Variants in COL5A1 observed in about 807,000 individuals in gnomAD.
The protein encoded by COL5A1 is collagen alpha-1(V) chain.
In COL5A1, 16 loss-of-function variants were observed where a neutral mutation model predicts 263.7. That is an observed-to-expected ratio of 0.06 (90% CI 0.04 to 0.09). COL5A1 has a LOEUF of 0.09. COL5A1 is among the 10% of genes least tolerant of loss of function. The pLI, the probability that COL5A1 is intolerant of heterozygous loss-of-function variation, is 1.00. For missense variants in COL5A1, 2,036 were observed against 2,540.5 expected (o/e 0.80, Z 4.27); for synonymous variants, 1,012 against 1,004.5 (o/e 1.01, Z -0.14).
At chr9:134,723,764 G>A (rs1165877255) in intron 4 of COL5A1, among the ~76,000 whole-genome samples, 1 of 152,200 alleles carries the variant, frequency 6.6e-6, no homozygotes, top group Admixed American at 6.5e-5. Context: ...GCCGAGAAAG[G>A]TGGGTCCGTC....
At chr9:134,819,197 T>G (rs1588588049) in intron 57 of COL5A1, 144 bp downstream of exon 57, 1 of 906,078 alleles carries the variant, frequency 1.1e-6, no homozygotes, top group Non-Finnish European at 1.8e-6. Flanking sequence ...ACCTGAGGGG[T>G]GACAAAGGAA....
Position 134,738,737 on chromosome 9 carries a change from T to C in COL5A1, c.1432-9T>C, listed in dbSNP as rs1835194371. On this transcript the variant is annotated splice_polypyrimidine_tract_variant and intron_variant, in intron 10 of 65. Transcript: ENST00000371817. ...CTTCTAACTGCCCCAACTTTATTTT[T>C]AATTCTAGGGTCTTCCCGGACCTCC... 14 of 1,611,816 alleles carry C rather than the reference T, an allele frequency of 8.7e-6. No individual in the cohort carries two copies. In the East Asian group the frequency reaches 3.1e-4, roughly 36 times the overall value.
rs373889979 is a variant in COL5A1, at chr9:134,707,080, G to A, written c.654+5747G>A. 8.3e-4 allele frequency among the ~76,000 whole-genome samples: 126 copies of A among 152,326 alleles called. No homozygotes were observed. The Middle Eastern group carries it at 0.024, about 29-fold the overall frequency. ...GAGGCTGGGAGGCGGGACTAAGAGGGGGCCTGGGGTGCCTCTGCCTTGAGG... is the reference window on the plus strand; with the variant it reads ...GAGGCTGGGAGGCGGGACTAAGAGGAGGCCTGGGGTGCCTCTGCCTTGAGG... On this transcript the variant is annotated intron_variant, in intron 4 of 65. Coordinates refer to ENST00000371817, the MANE Select transcript of COL5A1 (RefSeq NM_000093.5).
rs1257604941 is a variant in COL5A1, at chr9:134,758,068, T to A, written c.1882-175T>A. Among the ~76,000 whole-genome samples the A allele has an allele frequency of 6.6e-6, 1 of 152,034 alleles. No individual in the cohort carries two copies. The highest frequency in any genetic ancestry group is 1.5e-5 in the Non-Finnish European group (1 of 68,006). ...ATGTTTGCAGGGGAAGAGGCTGAGA[T>A]TGTAGATGCAAAGTGGGGGCCTATG... On this transcript the variant is annotated intron_variant, in intron 17 of 65. Transcript: ENST00000371817. The surrounding 1 kb of genome is among the most constrained non-coding windows in gnomAD (Gnocchi z 4.1).
intron 28 of COL5A1, 110 bp from the exon 29 acceptor site, chr9:134,782,557 C>T: frequency 9.5e-7 from 1 of 1,050,856 alleles, no homozygotes; most frequent in Non-Finnish European, 1.5e-6. Context: ...GTGCTGCCCC[C>T]CAAGCGTGGG....
intron 41 of COL5A1, 109 bp downstream of exon 41, chr9:134,805,323 C>G: frequency 1.5e-6 from 2 of 1,293,962 alleles, no homozygotes; most frequent in Admixed American, 3.4e-5. Context: ...CCCCGAGGAG[C>G]CTGGGGAGGA....
At chr9:134,831,289 G>C (rs3124942) in intron 64 of COL5A1, among the ~76,000 whole-genome samples, 96,351 of 152,134 alleles carry the variant, frequency 0.63, 32,760 homozygotes, top group African/African-American at 0.88. Flanking sequence ...TTGTTGGTTT[G>C]AAATCATATA....
intron 1 of COL5A1, among the ~76,000 whole-genome samples, chr9:134,667,891 C>A (rs181707415): frequency 2.0e-5 from 3 of 152,198 alleles, no homozygotes; most frequent in African/African-American, 2.4e-5. Context: ...GCAGTCCCTG[C>A]TGGAACATGA....
chr9:134,721,778 G>A (rs1004287304), intron 4 of COL5A1, among the ~76,000 whole-genome samples: 4 of 152,234 alleles, frequency 2.6e-5, no homozygotes, highest in South Asian at 4.1e-4. Flanking sequence ...GGAGGCATCC[G>A]CTCTGTCTTG....
At chr9:134,731,928 C>A in intron 8 of COL5A1, 143 bp from the exon 9 acceptor site, 1 of 1,022,068 alleles carries the variant, frequency 9.8e-7, no homozygotes, top group Non-Finnish European at 1.5e-6. Context: ...TGTCACGCTC[C>A]TGCCATCCTC....
rs10118959 is a variant in COL5A1, at chr9:134,740,935, C to T, written c.1494+2127C>T. Among the ~76,000 whole-genome samples, 889 of 152,220 alleles carry T rather than the reference C, an allele frequency of 5.8e-3. 9 individuals carry two copies. The highest frequency in any genetic ancestry group is 0.021 in the African/African-American group (853 of 41,526). On this transcript the variant is annotated intron_variant, in intron 11 of 65. Coordinates refer to ENST00000371817, the MANE Select transcript of COL5A1 (RefSeq NM_000093.5). ...GCCAACTCCTCCAGGGTCTGCCATC[C>T]GTGGAGTCAGAGGAGAGACCTGGAG... is the stretch of plus-strand genomic sequence containing the variant.
chr9:134,769,858 G>C (rs1223992013), intron 25 of COL5A1, among the ~76,000 whole-genome samples: 1 of 152,120 alleles, frequency 6.6e-6, no homozygotes. Flanking sequence ...GTGTGAAGGG[G>C]GCTGCACCCC....
chr9:134,725,068 C>T (rs1044720401), intron 4 of COL5A1, among the ~76,000 whole-genome samples: 7 of 152,178 alleles, frequency 4.6e-5, no homozygotes, highest in African/African-American at 1.2e-4. Context: ...TGGCCCTGCC[C>T]CAAGTCCCCT....
intron 4 of COL5A1, chr9:134,708,652 C>T (rs775442807): frequency 7.7e-6 from 4 of 518,594 alleles, no homozygotes; most frequent in African/African-American, 7.7e-5. Flanking sequence ...GCAGAGGCCC[C>T]TTGTCGTGTC....
At position 134,817,907 on chromosome 9, in the gene COL5A1, C is replaced by T. The variant is rs764355096; in HGVS notation, c.4230+76C>T. 45 of 1,423,010 alleles carry T rather than the reference C, an allele frequency of 3.2e-5. No individual in the cohort carries two copies. In the Middle Eastern group the frequency reaches 6.9e-4, roughly 22 times the overall value. 88.1% of individuals were successfully genotyped at this position (1,423,010 alleles called of 1,614,324 possible). A position where few individuals can be genotyped will look rare whatever the true frequency, so the allele number is the denominator to read the frequency against. ...GCCCAGAGGGTGGGGAGTGGACAAGCGTGTGGGCAGAGATGTCCATGGAGG... is the reference window on the plus strand; with the variant it reads ...GCCCAGAGGGTGGGGAGTGGACAAGTGTGTGGGCAGAGATGTCCATGGAGG... On this transcript the variant is annotated intron_variant, in intron 54 of 65. Transcript: ENST00000371817.
intron 63 of COL5A1, among the ~76,000 whole-genome samples, chr9:134,829,279 CA>C (rs1839469895): frequency 1.3e-5 from 2 of 150,426 alleles, no homozygotes; most frequent in South Asian, 4.2e-4. Flanking sequence ...AGGCTCCTCA[CA>C]TGGCCTCCAG....
chr9:134,740,393 C>T (rs189952435), intron 11 of COL5A1, among the ~76,000 whole-genome samples: 9 of 152,356 alleles, frequency 5.9e-5, no homozygotes, highest in East Asian at 1.9e-4. Context: ...GCTCCTCCTC[C>T]GCAGAGCTGC....
intron 19 of COL5A1, 142 bp from the exon 20 acceptor site, chr9:134,763,551 C>CT: frequency 1.2e-6 from 1 of 860,772 alleles, no homozygotes; most frequent in Non-Finnish European, 2.0e-6. Context: ...CATTCCAGGC[C>CT]TTTCCGGCTG....
chr9:134,739,259 C>T lies in COL5A1; in HGVS notation c.1494+451C>T, dbSNP rs1426953030. On this transcript the variant is annotated intron_variant, in intron 11 of 65. Coordinates refer to ENST00000371817, the MANE Select transcript of COL5A1 (RefSeq NM_000093.5). ...AGGCATCCTCGGGTGTCCCTCGCCG[C>T]GGGAGGAGATGGAGGGAGAGCTGCT... Among the ~76,000 whole-genome samples the T allele has an allele frequency of 2.6e-5, 4 of 152,210 alleles. No individual in the cohort carries two copies. In the East Asian group the frequency reaches 7.7e-4, roughly 29 times the overall value.
Sources: allele counts gnomAD v4.1 joint callset (sites outside exome capture counted in the v4.1 genomes callset), GRCh38; gene constraint gnomAD v4.1.1; non-coding constraint Gnocchi (gnomAD v3.1); transcripts MANE v1.5; gene names NCBI Gene and HGNC (gene_info 2026-07-23, HGNC 2026-07-21).